Variants in SPDYE10 observed in about 807,000 individuals in gnomAD.
SPDYE10 encodes the protein speedy/RINGO cell cycle regulator family member E10.
chr7:73,123,807 C>G, the SPDYE10 span, among the ~76,000 whole-genome samples: 1 of 151,078 alleles, frequency 6.6e-6, no homozygotes, highest in Non-Finnish European at 1.5e-5. Flanking sequence ...CTCTCTCTCT[C>G]TCTCTCTCTC....
chr7:73,154,868 C>T, the SPDYE10 span: 4 of 166,216 alleles, frequency 2.4e-5, no homozygotes, highest in South Asian at 3.5e-4. Flanking sequence ...GACTACAAGT[C>T]CCGGCAGGCC....
chr7:73,145,002 G>A, the SPDYE10 span, among the ~76,000 whole-genome samples: 1 of 52,386 alleles, frequency 1.9e-5, no homozygotes, highest in Non-Finnish European at 3.1e-5. Context: ...GTGAGGCTTC[G>A]TCTCAAAAAA....
the SPDYE10 span, among the ~76,000 whole-genome samples, chr7:73,114,929 C>T: frequency 7.0e-6 from 1 of 142,900 alleles, no homozygotes; most frequent in South Asian, 2.2e-4. Context: ...TTTTTTGAGA[C>T]GGAGTCTCGC....
chr7:73,126,909 GTTTTTTTTTT>G, the SPDYE10 span, among the ~76,000 whole-genome samples: 6 of 68,812 alleles, frequency 8.7e-5, no homozygotes, highest in African/African-American at 2.7e-4. Context: ...GTTGTTGGTG[GTTTTTTTTTT>G]TTTTTTTTTT....
At chr7:73,137,673 AGGAGG>A in the SPDYE10 span, among the ~76,000 whole-genome samples, 6 of 94,328 alleles carry the variant, frequency 6.4e-5, no homozygotes, top group East Asian at 9.4e-4. Context: ...AGAAAGAAAG[AGGAGG>A]GGAGGGGAGG....
chr7:73,114,308 C>G, the SPDYE10 span, among the ~76,000 whole-genome samples: 1 of 106,014 alleles, frequency 9.4e-6, no homozygotes, highest in African/African-American at 3.4e-5. Context: ...CGTTCCTGCA[C>G]ACACACCTCT....
the SPDYE10 span, among the ~76,000 whole-genome samples, chr7:73,123,945 T>C: frequency 6.6e-6 from 1 of 151,742 alleles, no homozygotes; most frequent in Non-Finnish European, 1.5e-5. Context: ...GTTTTTTTGT[T>C]TTTTTGTTTT....
chr7:73,115,333 A>G, the SPDYE10 span, among the ~76,000 whole-genome samples: 1 of 152,086 alleles, frequency 6.6e-6, no homozygotes, highest in African/African-American at 2.4e-5. Flanking sequence ...TTCTTTCCCA[A>G]CAAAACCTGT....
chr7:73,137,399 A>C, the SPDYE10 span, among the ~76,000 whole-genome samples: 1 of 150,606 alleles, frequency 6.6e-6, no homozygotes. Context: ...CCTGTAGTCC[A>C]AGCTCCAAGC....
the SPDYE10 span, among the ~76,000 whole-genome samples, chr7:73,143,305 G>A: frequency 6.6e-6 from 1 of 152,034 alleles, no homozygotes; most frequent in African/African-American, 2.4e-5. Flanking sequence ...TCTGCAGGCT[G>A]TACAAGAAGC....
chr7:73,114,534 ATT>A, the SPDYE10 span, among the ~76,000 whole-genome samples: 17 of 134,572 alleles, frequency 1.3e-4, no homozygotes, highest in African/African-American at 2.9e-4. Context: ...TTTAAGCCCT[ATT>A]TTTTTTTTTT....
the SPDYE10 span, among the ~76,000 whole-genome samples, chr7:73,143,975 GCACGCACCAC>G: frequency 1.3e-5 from 2 of 150,616 alleles, no homozygotes; most frequent in Non-Finnish European, 2.9e-5. Flanking sequence ...GGGATTATAG[GCACGCACCAC>G]CACACCCAGC....
chr7:73,114,572 T>C, the SPDYE10 span, among the ~76,000 whole-genome samples: 2 of 141,978 alleles, frequency 1.4e-5, no homozygotes, highest in African/African-American at 5.0e-5. Context: ...AGTCTCACTC[T>C]GTCACCCAGG....
At chr7:73,128,201 A>G in the SPDYE10 span, among the ~76,000 whole-genome samples, 2 of 151,716 alleles carry the variant, frequency 1.3e-5, no homozygotes, top group African/African-American at 2.4e-5. Context: ...CTCAAAAGTC[A>G]TTAGTAGTGA....
At chr7:73,110,802 C>A in the SPDYE10 span, 1 of 502,938 alleles carries the variant, frequency 2.0e-6, no homozygotes, top group Non-Finnish European at 3.2e-6. Flanking sequence ...ACTTCAGAGT[C>A]CTCCCGCATG....
At chr7:73,137,867 GA>G in the SPDYE10 span, among the ~76,000 whole-genome samples, 2 of 99,942 alleles carry the variant, frequency 2.0e-5, no homozygotes, top group Admixed American at 1.0e-4. Context: ...GGAGGGGAAG[GA>G]GAGGAGAAGG....
chr7:73,113,801 C>T, the SPDYE10 span, among the ~76,000 whole-genome samples: 2 of 151,832 alleles, frequency 1.3e-5, no homozygotes, highest in Non-Finnish European at 2.9e-5. Flanking sequence ...TTTGGGAGGC[C>T]AAGGAGGGTG....
chr7:73,155,309 C>G, the SPDYE10 span: 1 of 438,006 alleles, frequency 2.3e-6, no homozygotes, highest in Admixed American at 4.6e-5. Flanking sequence ...CACCTACGGC[C>G]TGATCAAACT....
At chr7:73,114,664 G>T in the SPDYE10 span, among the ~76,000 whole-genome samples, 3 of 141,008 alleles carry the variant, frequency 2.1e-5, no homozygotes, top group African/African-American at 7.8e-5. Flanking sequence ...AGCCTCCCAA[G>T]TATCTGGGAC....
Sources: allele counts gnomAD v4.1 joint callset (sites outside exome capture counted in the v4.1 genomes callset), GRCh38; gene constraint gnomAD v4.1.1; transcripts MANE v1.5; gene names NCBI Gene and HGNC (gene_info 2026-07-23, HGNC 2026-07-21).